Variants in DNAH6 observed in about 807,000 individuals in gnomAD.
DNAH6 encodes the protein dynein axonemal heavy chain 6.
A neutral mutation model predicts 491.4 loss-of-function variants in DNAH6; 340 were observed. That is an observed-to-expected ratio of 0.69 (90% CI 0.63 to 0.76). DNAH6 has a LOEUF of 0.76. Among genes scored for constraint, DNAH6 ranks in the 30% least tolerant of loss-of-function variants. The pLI, the probability that DNAH6 is intolerant of heterozygous loss-of-function variation, is 0.00. For missense variants in DNAH6, 4,443 were observed against 4,972.2 expected (o/e 0.89, Z 3.20); for synonymous variants, 1,603 against 1,686.1 (o/e 0.95, Z 1.21).
rs561096059 is a variant in DNAH6 at position 84,742,878 on chromosome 2, A to G, written c.10343-2202A>G. 1.9e-4 allele frequency among the ~76,000 whole-genome samples: 29 copies of G among 152,348 alleles called. 1 individual carries two copies. The South Asian group carries it at 2.7e-3, about 14-fold the overall frequency. ...TTAAGTGTGGTGGTTTAAAGTCTAC[A>G]TTAACCAGAATTTCTAAGATCCTAA... On this transcript the variant is annotated intron_variant, in intron 62 of 76. Coordinates refer to ENST00000389394, the MANE Select transcript of DNAH6 (RefSeq NM_001370.2).
At chr2:84,771,146 G>T (rs1472038348) in intron 64 of DNAH6, among the ~76,000 whole-genome samples, 1 of 152,008 alleles carries the variant, frequency 6.6e-6, no homozygotes, top group African/African-American at 2.4e-5. Context: ...AAATTTGCCG[G>T]GTGTAGTGGT....
intron 76 of DNAH6, among the ~76,000 whole-genome samples, chr2:84,817,150 A>G (rs555092951): frequency 1.3e-5 from 2 of 152,284 alleles, no homozygotes; most frequent in East Asian, 3.9e-4. Context: ...AAAGAAACCT[A>G]GATATACCAA....
the DNAH6 span, among the ~76,000 whole-genome samples, chr2:84,476,446 C>G: frequency 6.6e-6 from 1 of 152,230 alleles, no homozygotes; most frequent in Non-Finnish European, 1.5e-5. Context: ...TGGCCTTTCA[C>G]TTAATTCAGC....
intron 63 of DNAH6, among the ~76,000 whole-genome samples, chr2:84,756,587 A>G (rs748775565): frequency 6.6e-6 from 1 of 152,210 alleles, no homozygotes; most frequent in Non-Finnish European, 1.5e-5. Flanking sequence ...TAGCTTTAAT[A>G]AGATTTGTCA....
chr2:84,495,459 A>G, the DNAH6 span, among the ~76,000 whole-genome samples: 23 of 152,218 alleles, frequency 1.5e-4, no homozygotes, highest in Non-Finnish European at 3.2e-4. Flanking sequence ...CACTGCGTCC[A>G]GCCTCTTTGA....
At position 84,624,248 on chromosome 2, in the gene DNAH6, A is replaced by T; in HGVS notation, c.4072-17A>T. 2 of 1,526,142 alleles carry T rather than the reference A, an allele frequency of 1.3e-6. No homozygotes were observed. The highest frequency in any genetic ancestry group is 1.3e-5 in the South Asian group (1 of 78,830). The allele number at this position is 1,526,142 out of a possible 1,614,324, so 94.5% of individuals were successfully genotyped here. On this transcript the variant is annotated splice_polypyrimidine_tract_variant and intron_variant, in intron 26 of 76. Transcript: ENST00000389394. ...TGATATTGGAAAATTCACCATGACA[A>T]TTTTTTTTATTTGTAGAGATTAAAT... is the stretch of plus-strand genomic sequence containing the variant.
intron 12 of DNAH6, 82 bp from the exon 13 acceptor site, chr2:84,577,175 A>T: frequency 1.2e-6 from 1 of 823,900 alleles, no homozygotes. Flanking sequence ...TTATCAATGC[A>T]ATGATTTTTA....
intron 10 of DNAH6, among the ~76,000 whole-genome samples, chr2:84,555,757 A>G (rs2104586202): frequency 6.6e-6 from 1 of 152,212 alleles, no homozygotes; most frequent in Admixed American, 6.5e-5. Flanking sequence ...AAAGGTGCCC[A>G]AGACAGCAAT....
At chr2:84,663,526 G>T (rs1691756828) in intron 37 of DNAH6, among the ~76,000 whole-genome samples, 1 of 151,812 alleles carries the variant, frequency 6.6e-6, no homozygotes, top group Non-Finnish European at 1.5e-5. Context: ...ATGAAATGAA[G>T]TGAGAAGAGA....
At chr2:84,469,331 G>GA in the DNAH6 span, among the ~76,000 whole-genome samples, 1 of 151,886 alleles carries the variant, frequency 6.6e-6, no homozygotes, top group Admixed American at 6.6e-5. This position sits in a 1 kb window ranked among gnomAD's most constrained non-coding sequence, Gnocchi z 4.0. Flanking sequence ...CATCATAAAG[G>GA]AAAAAATTTT....
intron 45 of DNAH6, 33 bp downstream of exon 45, chr2:84,688,626 G>T: frequency 6.8e-7 from 1 of 1,477,822 alleles, no homozygotes; most frequent in South Asian, 1.4e-5. Context: ...ATAATGCATT[G>T]ATTTAATATT....
At chr2:84,563,777 G>A (rs573807878) in intron 11 of DNAH6, among the ~76,000 whole-genome samples, 33 of 151,930 alleles carry the variant, frequency 2.2e-4, no homozygotes, top group Non-Finnish European at 3.5e-4. Flanking sequence ...AGCCTGTGTC[G>A]AAAAGGTTAT....
intron 18 of DNAH6, among the ~76,000 whole-genome samples, chr2:84,596,714 C>T (rs1016919257): frequency 6.6e-6 from 1 of 151,412 alleles, no homozygotes; most frequent in South Asian, 2.1e-4. Flanking sequence ...AAGCTTCAGA[C>T]ACAATGAGAA....
chr2:84,594,780 A>G (rs1488998925), intron 17 of DNAH6, among the ~76,000 whole-genome samples: 1 of 152,220 alleles, frequency 6.6e-6, no homozygotes, highest in Admixed American at 6.5e-5. Flanking sequence ...TTGGTTAAAA[A>G]ACAGTAACAT....
At position 84,703,527 on chromosome 2, in the gene DNAH6, G is replaced by A; in HGVS notation, c.8194G>A (p.Glu2732Lys). The A allele has an allele frequency of 1.3e-6, 2 of 1,551,210 alleles. No homozygotes were observed. The highest frequency in any genetic ancestry group is 1.2e-5 in the South Asian group (1 of 83,934). The change falls in exon 50 of 77, where the codon GAA becomes AAA. Residue 2732 changes from glutamate to lysine, a missense_variant. Glu to Lys is a moderately conservative substitution (Grantham distance 56). This residue lies in a region of DNAH6 where 2,977 missense variants were observed against 3,296.6 expected (regional missense o/e 0.90). Transcript: ENST00000389394. ...ATCAGAAGATGTTGAAGCCCTGATG[G>A]AAAAATTGGCAGTGGATCAAGAAAG... Reference protein sequence around the residue: ...AKSEDVEALMEKLAVDQESAD... With the variant: ...AKSEDVEALMKKLAVDQESAD...
intron 56 of DNAH6, among the ~76,000 whole-genome samples, chr2:84,711,621 A>G (rs967785728): frequency 6.6e-6 from 1 of 152,224 alleles, no homozygotes; most frequent in East Asian, 1.9e-4. Context: ...CAAGATAGTT[A>G]CTATTGTTAT....
intron 63 of DNAH6, among the ~76,000 whole-genome samples, chr2:84,753,117 T>G (rs946973806): frequency 1.3e-5 from 2 of 152,252 alleles, no homozygotes; most frequent in African/African-American, 4.8e-5. Flanking sequence ...TGGTACCTTA[T>G]GACTTTGATT....
At position 84,780,247 on chromosome 2, in the gene DNAH6, T is replaced by C. The variant is rs138542790; in HGVS notation, c.10704-1246T>C. 7.7e-3 allele frequency among the ~76,000 whole-genome samples: 1,178 copies of C among 152,332 alleles called. 8 individuals carry two copies. Among genetic ancestry groups the C allele is most frequent in the Non-Finnish European group, 0.012 (789 of 68,016 alleles). On this transcript the variant is annotated intron_variant, in intron 64 of 76. Coordinates refer to ENST00000389394, the MANE Select transcript of DNAH6 (RefSeq NM_001370.2). Reference sequence around the variant, plus strand: ...AAATATGTTACCCGAGTTGTTTACCTTTTCTCCTGTCTCAGGAATGCCAGT... The same window carrying C: ...AAATATGTTACCCGAGTTGTTTACCCTTTCTCCTGTCTCAGGAATGCCAGT...
the DNAH6 span, among the ~76,000 whole-genome samples, chr2:84,498,558 G>T: frequency 6.6e-6 from 1 of 152,100 alleles, no homozygotes; most frequent in Non-Finnish European, 1.5e-5. Flanking sequence ...AATTTAGTGA[G>T]GTTGTGGAAA....
Sources: gnomAD v4.1 joint callset for allele counts (sites outside exome capture counted in the v4.1 genomes callset) on GRCh38, gnomAD v4.1.1 for gene constraint, gnomAD v4.1.1 regional missense constraint, Gnocchi (gnomAD v3.1) non-coding constraint, MANE v1.5 for transcripts, NCBI Gene and HGNC (gene_info 2026-07-23, HGNC 2026-07-21) for gene names.